ABI2: variants seen among roughly 807,000 people sequenced by gnomAD.
The protein encoded by ABI2 is abl interactor 2.
ABI2 carries 25 observed loss-of-function variants against 59.2 expected under a neutral mutation model. The observed-to-expected ratio is 0.42, with a 90% CI of 0.31 to 0.59. ABI2 has a LOEUF of 0.59. Among genes scored for constraint, ABI2 ranks in the 20% least tolerant of loss-of-function variants. The probability of loss-of-function intolerance (pLI) is 0.14; values close to 1 mark genes in which losing one functional copy is unlikely to be tolerated. For synonymous variants in ABI2, 213 were observed against 235.5 expected (o/e 0.90, Z 0.87); for missense variants, 545 against 681.8 (o/e 0.80, Z 2.23).
chr2:203,427,147 C>T lies in ABI2; in HGVS notation c.1454-30C>T, dbSNP rs200847223. On this transcript the variant is annotated intron_variant, in intron 11 of 11. Coordinates refer to ENST00000261018, the MANE Select transcript of ABI2 (RefSeq NM_001375670.1). The stretch of plus-strand genomic sequence containing the variant: ...TCTTTCTAGGAATATTACTGTCTTT[C>T]ACATCCTGTTTTGTTTTCTTCCCTC... 8.5e-5 allele frequency: 136 copies of T among 1,597,374 alleles called. No homozygotes were observed. In the African/African-American group the frequency reaches 1.7e-3, roughly 20 times the overall value.
intron 11 of ABI2, among the ~76,000 whole-genome samples, chr2:203,419,847 G>A (rs1046249094): frequency 3.9e-5 from 6 of 152,062 alleles, no homozygotes; most frequent in African/African-American, 1.4e-4. Context: ...AATTAGCTGG[G>A]CATGGTGATG....
At chr2:203,387,454 A>G (rs1409696882) in intron 4 of ABI2, among the ~76,000 whole-genome samples, 1 of 152,198 alleles carries the variant, frequency 6.6e-6, no homozygotes, top group African/African-American at 2.4e-5. Flanking sequence ...TGGTATTTGC[A>G]TTCCTTCATC....
chr2:203,430,919 TTTTCTTTTAGTAGGTG>T lies in ABI2; in HGVS notation c.*3568_*3583del, dbSNP rs1474655439. On this transcript the variant is annotated 3_prime_UTR_variant, in exon 12 of 12. Transcript: ENST00000261018. The stretch of plus-strand genomic sequence containing the variant: ...GTTTGCTTTTATCTTTTTATGTTCA[TTTTCTTTTAGTAGGTG>T]ACCTTTCTGCATTAAGAACTGTTTT... The T allele has an allele frequency of 6.6e-6, 1 of 152,264 alleles. No homozygotes were observed. The highest frequency in any genetic ancestry group is 6.5e-5 in the Admixed American group (1 of 15,288). The allele number at this position is 152,264 out of a possible 1,614,324, so 9.4% of individuals were successfully genotyped here.
chr2:203,360,952 A>G (rs887682943), intron 1 of ABI2, among the ~76,000 whole-genome samples: 4 of 152,140 alleles, frequency 2.6e-5, no homozygotes, highest in Non-Finnish European at 5.9e-5. Flanking sequence ...TTCAAGGATG[A>G]CGTATGCTCT....
chr2:203,328,715 C>T (rs979253988), intron 1 of ABI2, 84 bp downstream of exon 1: 5 of 862,362 alleles, frequency 5.8e-6, no homozygotes, highest in Non-Finnish European at 8.3e-6. Context: ...GAGGCCGCCT[C>T]GGGGACACGG....
chr2:203,345,358 A>G (rs957119062), intron 1 of ABI2, among the ~76,000 whole-genome samples: 1 of 152,174 alleles, frequency 6.6e-6, no homozygotes, highest in Non-Finnish European at 1.5e-5. Context: ...CATCTGAAGG[A>G]ACAAACTCCG....
chr2:203,335,484 A>G (rs1479499060), intron 1 of ABI2, among the ~76,000 whole-genome samples: 1 of 152,100 alleles, frequency 6.6e-6, no homozygotes, highest in Non-Finnish European at 1.5e-5. Context: ...CTGGTCTTGG[A>G]ACACCTGGGC....
intron 9 of ABI2, among the ~76,000 whole-genome samples, chr2:203,407,655 T>A (rs2097486128): frequency 2.0e-5 from 3 of 152,232 alleles, no homozygotes; most frequent in African/African-American, 7.2e-5. Flanking sequence ...ATCTAAACAT[T>A]CTTGTATATT....
intron 1 of ABI2, among the ~76,000 whole-genome samples, chr2:203,338,983 A>ATATAAATATATATATAT (rs2078175801): frequency 8.1e-5 from 1 of 12,338 alleles, no homozygotes; most frequent in Non-Finnish European, 1.6e-4. Context: ...TATATATATA[A>ATATAAATATATATATAT]ATATATATAT....
intron 9 of ABI2, among the ~76,000 whole-genome samples, chr2:203,410,676 A>C (rs1453146579): frequency 6.6e-6 from 1 of 152,208 alleles, no homozygotes; most frequent in Non-Finnish European, 1.5e-5. Context: ...GACGGTTTTG[A>C]TACTGTTTTC....
At position 203,417,083 on chromosome 2, in the gene ABI2, T is replaced by C; in HGVS notation, c.1453+2T>C. 6 of 1,608,338 alleles carry C rather than the reference T, an allele frequency of 3.7e-6. No homozygotes were observed. The highest frequency in any genetic ancestry group is 5.1e-6 in the Non-Finnish European group (6 of 1,177,436). On this transcript the variant is annotated splice_donor_variant, in intron 11 of 11. Transcript: ENST00000261018. LOFTEE classifies it high-confidence loss of function. ...CTCCACGTTCTTACTTGGAAAAGGG[T>C]AAGTTTCAGAAGGATATCTGGATAG...
chr2:203,409,699 C>T (rs567118574), intron 9 of ABI2, among the ~76,000 whole-genome samples: 6 of 152,300 alleles, frequency 3.9e-5, no homozygotes, highest in South Asian at 2.1e-4. Context: ...TGATTTATTA[C>T]GTGCCAGCCA....
At chr2:203,397,030 C>G (rs1315147898) in intron 8 of ABI2, 63 bp downstream of exon 8, 8 of 1,293,860 alleles carry the variant, frequency 6.2e-6, no homozygotes, top group Non-Finnish European at 7.8e-6. Flanking sequence ...TTACTTGCAC[C>G]TCTGATTTTT....
Position 203,387,918 on chromosome 2 carries a change from A to T in ABI2, c.481-3128A>T, listed in dbSNP as rs184230418. 5.0e-4 allele frequency among the ~76,000 whole-genome samples: 76 copies of T among 152,264 alleles called. 1 individual carries two copies. Among genetic ancestry groups the T allele is most frequent in the Admixed American group, 2.2e-3 (34 of 15,302 alleles). ...TCTCATGTTTTGCTACTTGTCAGGA[A>T]ATGTTTTCTCTCTTAAATACTTCCC... On this transcript the variant is annotated intron_variant, in intron 4 of 11. Coordinates refer to ENST00000261018, the MANE Select transcript of ABI2 (RefSeq NM_001375670.1).
intron 1 of ABI2, among the ~76,000 whole-genome samples, chr2:203,358,530 C>T (rs1169222622): frequency 6.6e-6 from 1 of 152,148 alleles, no homozygotes; most frequent in Non-Finnish European, 1.5e-5. Context: ...ACAGGAATCA[C>T]TGGAATCAGG....
intron 5 of ABI2, among the ~76,000 whole-genome samples, chr2:203,392,716 GT>G (rs1402516736): frequency 1.3e-5 from 2 of 151,918 alleles, no homozygotes; most frequent in Non-Finnish European, 2.9e-5. Context: ...ATTTTGTTGG[GT>G]TTTAAGTCAA....
chr2:203,405,044 TC>T (rs996426400), intron 9 of ABI2, among the ~76,000 whole-genome samples: 25 of 152,316 alleles, frequency 1.6e-4, no homozygotes, highest in African/African-American at 5.8e-4. Context: ...AGTAAAAAGA[TC>T]CCCACTTTAT....
chr2:203,369,565 G>A (rs560433213), intron 2 of ABI2, among the ~76,000 whole-genome samples: 21 of 152,248 alleles, frequency 1.4e-4, no homozygotes, highest in African/African-American at 2.6e-4. Flanking sequence ...ATAAATTGGC[G>A]TTTAATTAAT....
At chr2:203,391,176 C>T (rs748533381) in intron 5 of ABI2, 33 bp downstream of exon 5, 1 of 1,416,668 alleles carries the variant, frequency 7.1e-7, no homozygotes, top group African/African-American at 1.4e-5. Flanking sequence ...AAAACCATTT[C>T]ATGTAGTATT....
Sources: gnomAD v4.1 joint callset for allele counts (sites outside exome capture counted in the v4.1 genomes callset) on GRCh38, gnomAD v4.1.1 for gene constraint, MANE v1.5 for transcripts, NCBI Gene and HGNC (gene_info 2026-07-23, HGNC 2026-07-21) for gene names.